The following ERC2 variants were observed in gnomAD, a reference collection of about 807,000 sequenced individuals.
ERC2 encodes ELKS/RAB6-interacting/CAST family member 2.
Under a neutral mutation model 114.8 loss-of-function variants are expected in ERC2, and 42 were observed. The observed-to-expected ratio is 0.37, with a 90% CI of 0.29 to 0.47. The LOEUF (loss-of-function observed/expected upper bound fraction) is 0.47. ERC2 is among the 20% of genes least tolerant of loss of function. The pLI is 0.99. For synonymous variants in ERC2, 454 were observed against 425.5 expected (o/e 1.07, Z -0.82); for missense variants, 939 against 1,150.7 (o/e 0.82, Z 2.66).
chr3:56,049,370 A>G (rs1300899241), intron 7 of ERC2, among the ~76,000 whole-genome samples: 1 of 152,182 alleles, frequency 6.6e-6, no homozygotes, highest in Non-Finnish European at 1.5e-5. Flanking sequence ...ACTGCAGTTC[A>G]CCCATGCAAT....
chr3:55,691,228 G>A (rs1200644686), intron 16 of ERC2, among the ~76,000 whole-genome samples: 5 of 152,118 alleles, frequency 3.3e-5, no homozygotes, highest in South Asian at 2.1e-4. Context: ...AGACATCTGC[G>A]ATATCTTTCT....
intron 17 of ERC2, among the ~76,000 whole-genome samples, chr3:55,680,408 A>G (rs777119227): frequency 6.6e-6 from 1 of 152,208 alleles, no homozygotes; most frequent in Non-Finnish European, 1.5e-5. Flanking sequence ...TACCTCATTG[A>G]TGTTCGCAAA....
At chr3:55,767,906 C>G (rs2149014918) in intron 14 of ERC2, among the ~76,000 whole-genome samples, 1 of 152,298 alleles carries the variant, frequency 6.6e-6, no homozygotes, top group South Asian at 2.1e-4. Flanking sequence ...AATCTCATGT[C>G]AAACTGTACT....
At chr3:55,595,681 A>G (rs1416330701) in intron 17 of ERC2, among the ~76,000 whole-genome samples, 1 of 152,238 alleles carries the variant, frequency 6.6e-6, no homozygotes, top group Admixed American at 6.5e-5. Flanking sequence ...AAAAACTGAC[A>G]ATTCAACAGT....
chr3:55,989,107 A>G (rs1163820398), intron 11 of ERC2, among the ~76,000 whole-genome samples: 1 of 152,230 alleles, frequency 6.6e-6, no homozygotes, highest in Non-Finnish European at 1.5e-5. Context: ...AGACACGGGC[A>G]GGCAGAGTAC....
At chr3:56,467,881 G>T (rs1223997835) in intron 1 of ERC2, among the ~76,000 whole-genome samples, 2 of 151,946 alleles carry the variant, frequency 1.3e-5, no homozygotes, top group African/African-American at 2.4e-5. Context: ...AAGAGGGGAC[G>T]CCAGGCAGAA....
At chr3:56,400,801 A>G (rs1158922271) in intron 2 of ERC2, among the ~76,000 whole-genome samples, 6 of 152,236 alleles carry the variant, frequency 3.9e-5, no homozygotes. Flanking sequence ...TAAGTGGAAC[A>G]TCAATCAAAT....
intron 3 of ERC2, among the ~76,000 whole-genome samples, chr3:56,225,457 C>T (rs1294346163): frequency 6.6e-6 from 1 of 152,172 alleles, no homozygotes; most frequent in East Asian, 1.9e-4. Flanking sequence ...ACACTTCCTT[C>T]ACTTGGCTAA....
At chr3:55,718,703 G>A (rs886127466) in intron 15 of ERC2, among the ~76,000 whole-genome samples, 1 of 152,124 alleles carries the variant, frequency 6.6e-6, no homozygotes, top group African/African-American at 2.4e-5. Flanking sequence ...CATGCTCAGC[G>A]GAGTTATTAT....
intron 7 of ERC2, among the ~76,000 whole-genome samples, chr3:56,052,074 A>G (rs2149686728): frequency 6.6e-6 from 1 of 152,306 alleles, no homozygotes; most frequent in South Asian, 2.1e-4. Flanking sequence ...AAAAGAAACT[A>G]CAAAAAACAG....
chr3:55,918,179 G>C (rs1269655432), intron 13 of ERC2, among the ~76,000 whole-genome samples: 1 of 152,060 alleles, frequency 6.6e-6, no homozygotes, highest in Non-Finnish European at 1.5e-5. Flanking sequence ...ATTGACCGAA[G>C]CTTGGTCTTA....
At chr3:56,339,347 G>C (rs2057994354) in intron 2 of ERC2, among the ~76,000 whole-genome samples, 2 of 152,122 alleles carry the variant, frequency 1.3e-5, no homozygotes, top group African/African-American at 4.8e-5. Flanking sequence ...TCAGGGGAAA[G>C]AGAAGTGTAA....
rs561096117 is a variant in ERC2 at position 55,951,308 on chromosome 3, G to A, written c.2268-748C>T. 2.6e-5 allele frequency among the ~76,000 whole-genome samples: 4 copies of A among 152,220 alleles called. No homozygotes were observed. In the East Asian group the frequency reaches 7.7e-4, roughly 29 times the overall value. On this transcript the variant is annotated intron_variant, in intron 12 of 17. Transcript: ENST00000288221. ...ACTTTGATTTTAAAATAACAATTATGAGGCTCCAATCAAATACATTGTCAT... is the reference window on the plus strand; with the variant it reads ...ACTTTGATTTTAAAATAACAATTATAAGGCTCCAATCAAATACATTGTCAT...
intron 14 of ERC2, among the ~76,000 whole-genome samples, chr3:55,877,353 C>G (rs2062902934): frequency 6.6e-6 from 1 of 152,126 alleles, no homozygotes. Flanking sequence ...TCTGAGTCCA[C>G]AGGCCTGTTC....
chr3:55,851,827 AAGG>A (rs1396903157), intron 14 of ERC2, among the ~76,000 whole-genome samples: 2 of 151,978 alleles, frequency 1.3e-5, no homozygotes, highest in African/African-American at 2.4e-5. Context: ...TCAGCCTAAT[AAGG>A]AGAAGATATG....
intron 3 of ERC2, among the ~76,000 whole-genome samples, chr3:56,294,710 C>A (rs186358392): frequency 5.9e-5 from 9 of 152,016 alleles, no homozygotes; most frequent in Admixed American, 5.9e-4. Flanking sequence ...TGAGGATCAA[C>A]CAATACTCGA....
At chr3:55,951,196 G>T (rs2067475685) in intron 12 of ERC2, among the ~76,000 whole-genome samples, 1 of 152,184 alleles carries the variant, frequency 6.6e-6, no homozygotes, top group Non-Finnish European at 1.5e-5. Flanking sequence ...CCATGATACA[G>T]CATTTATTTT....
intron 14 of ERC2, among the ~76,000 whole-genome samples, chr3:55,744,685 G>A (rs1035765102): frequency 1.3e-5 from 2 of 152,224 alleles, no homozygotes; most frequent in African/African-American, 4.8e-5. Flanking sequence ...AGGCCCTGTA[G>A]CCACTGCTTG....
At chr3:55,964,907 C>G (rs1462454941) in intron 12 of ERC2, among the ~76,000 whole-genome samples, 1 of 152,226 alleles carries the variant, frequency 6.6e-6, no homozygotes, top group Admixed American at 6.5e-5. Flanking sequence ...TGAAAGGCCA[C>G]CCAAAGTTCC....
Sources: gnomAD v4.1 joint callset for allele counts (sites outside exome capture counted in the v4.1 genomes callset) on GRCh38, gnomAD v4.1.1 for gene constraint, MANE v1.5 for transcripts, NCBI Gene and HGNC (gene_info 2026-07-23, HGNC 2026-07-21) for gene names.